The following SGMS1 variants were observed in gnomAD, a reference collection of about 807,000 sequenced individuals.
SGMS1 encodes phosphatidylcholine:ceramide cholinephosphotransferase 1.
SGMS1 carries 13 observed loss-of-function variants against 46.2 expected under a neutral mutation model. The ratio of observed to expected loss-of-function variants is 0.28; its 90% CI spans 0.18 to 0.45. The LOEUF (loss-of-function observed/expected upper bound fraction) is 0.45, where lower values mean the gene tolerates loss of function less well. Among genes scored for constraint, SGMS1 ranks in the 20% least tolerant of loss-of-function variants. SGMS1 has a pLI of 1.00. For missense variants in SGMS1, 324 were observed against 519.9 expected (o/e 0.62, Z 3.66); for synonymous variants, 203 against 187.8 (o/e 1.08, Z -0.66).
chr10:50,580,031 T>G (rs1838418728), intron 2 of SGMS1, among the ~76,000 whole-genome samples: 1 of 152,146 alleles, frequency 6.6e-6, no homozygotes, highest in African/African-American at 2.4e-5. Flanking sequence ...TAGTGGTAAG[T>G]GCATAGAAAA....
At chr10:50,573,928 A>G (rs1838357783) in intron 2 of SGMS1, among the ~76,000 whole-genome samples, 1 of 152,210 alleles carries the variant, frequency 6.6e-6, no homozygotes, top group African/African-American at 2.4e-5. Flanking sequence ...TGGGGCAAGG[A>G]TAGTCTCTTC....
At chr10:50,360,127 T>C (rs1287848288) in intron 6 of SGMS1, among the ~76,000 whole-genome samples, 2 of 152,210 alleles carry the variant, frequency 1.3e-5, no homozygotes, top group East Asian at 3.8e-4. Context: ...AAAATGAGCT[T>C]GCAGATTTCT....
chr10:50,483,388 A>T (rs527811630), intron 3 of SGMS1, among the ~76,000 whole-genome samples: 18 of 152,302 alleles, frequency 1.2e-4, no homozygotes, highest in African/African-American at 3.8e-4. Context: ...CCAGATTCAT[A>T]AAACAAGTTC....
At position 50,418,232 on chromosome 10, in the gene SGMS1, C is replaced by G. The variant is rs556086918; in HGVS notation, c.-232+15244G>C. 24 of 152,284 alleles carry G rather than the reference C, an allele frequency of 1.6e-4. No individual in the cohort carries two copies. The South Asian group carries it at 4.8e-3, about 30-fold the overall frequency. The allele number at this position is 152,284 out of a possible 1,614,324, so 9.4% of individuals were successfully genotyped here. A position where few individuals can be genotyped will look rare whatever the true frequency, so the allele number is the denominator to read the frequency against. ...CGCGGCTCTTGCTGGGCGCCCGCGC[C>G]TTGATCGGTCCCGGCGGTCCCGTTC... On this transcript the variant is annotated intron_variant, in intron 6 of 10. Coordinates refer to ENST00000361781, the MANE Select transcript of SGMS1 (RefSeq NM_147156.4).
chr10:50,561,464 C>A (rs914226487), intron 2 of SGMS1, among the ~76,000 whole-genome samples: 2 of 152,214 alleles, frequency 1.3e-5, no homozygotes, highest in African/African-American at 4.8e-5. Flanking sequence ...TTCCTTCCAG[C>A]TCAAACCTTC....
intron 6 of SGMS1, among the ~76,000 whole-genome samples, chr10:50,348,976 C>CA (rs1180751186): frequency 2.0e-5 from 3 of 152,154 alleles, no homozygotes; most frequent in Non-Finnish European, 4.4e-5. Flanking sequence ...GGTATATAGA[C>CA]AATCAACTTT....
intron 3 of SGMS1, among the ~76,000 whole-genome samples, chr10:50,512,921 A>C (rs562945431): frequency 2.0e-5 from 3 of 152,254 alleles, no homozygotes; most frequent in Admixed American, 6.5e-5. Flanking sequence ...AGCCACACTT[A>C]CCCACTACAA....
intron 8 of SGMS1, among the ~76,000 whole-genome samples, chr10:50,313,829 C>A (rs1847296574): frequency 6.6e-6 from 1 of 152,106 alleles, no homozygotes; most frequent in African/African-American, 2.4e-5. Flanking sequence ...AAACCTGGCA[C>A]TGAGGAAAAA....
At chr10:50,428,094 T>A (rs1023379517) in intron 6 of SGMS1, among the ~76,000 whole-genome samples, 2 of 152,102 alleles carry the variant, frequency 1.3e-5, no homozygotes, top group Non-Finnish European at 2.9e-5. Flanking sequence ...GGCTAACTTA[T>A]ACTGCAGGAA....
intron 2 of SGMS1, among the ~76,000 whole-genome samples, chr10:50,542,857 C>CAA (rs752420440): frequency 1.8e-4 from 14 of 78,398 alleles, no homozygotes; most frequent in African/African-American, 4.9e-4. Flanking sequence ...ATGCCAAGTG[C>CAA]AAAAAAAAAA....
chr10:50,508,726 G>C (rs1349298408), intron 3 of SGMS1, among the ~76,000 whole-genome samples: 1 of 152,166 alleles, frequency 6.6e-6, no homozygotes, highest in Non-Finnish European at 1.5e-5. Context: ...GACCTAAGGA[G>C]AATATAAGAA....
intron 2 of SGMS1, among the ~76,000 whole-genome samples, chr10:50,561,205 ATG>A (rs1157359520): frequency 6.6e-6 from 1 of 152,222 alleles, no homozygotes; most frequent in Non-Finnish European, 1.5e-5. Context: ...CACTTGCTAA[ATG>A]GCATGTGAAT....
chr10:50,399,917 C>T (rs1366554925), intron 6 of SGMS1, among the ~76,000 whole-genome samples: 2 of 151,356 alleles, frequency 1.3e-5, no homozygotes, highest in African/African-American at 4.9e-5. Flanking sequence ...TAGTCCCAGC[C>T]ACTCGGGAGG....
At chr10:50,373,938 T>G (rs2688879) in intron 6 of SGMS1, among the ~76,000 whole-genome samples, 1 of 152,068 alleles carries the variant, frequency 6.6e-6, no homozygotes, top group African/African-American at 2.4e-5. Flanking sequence ...GTACACATTA[T>G]ATAGACATCC....
intron 5 of SGMS1, among the ~76,000 whole-genome samples, chr10:50,443,828 A>G (rs1459540048): frequency 6.6e-6 from 1 of 152,124 alleles, no homozygotes; most frequent in African/African-American, 2.4e-5. Context: ...TTTGTGACAT[A>G]TATAGATATA....
At chr10:50,376,192 C>T (rs1338051769) in intron 6 of SGMS1, among the ~76,000 whole-genome samples, 1 of 152,122 alleles carries the variant, frequency 6.6e-6, no homozygotes, top group Non-Finnish European at 1.5e-5. Flanking sequence ...GGTATGTTCG[C>T]TGTGGTGTGG....
chr10:50,359,682 CAAA>C (rs34496581), intron 6 of SGMS1, among the ~76,000 whole-genome samples: 2 of 140,280 alleles, frequency 1.4e-5, no homozygotes, highest in African/African-American at 2.7e-5. Context: ...TTCATTATGG[CAAA>C]AAAAAAAAAA....
At chr10:50,400,028 CAAA>C (rs55712391) in intron 6 of SGMS1, among the ~76,000 whole-genome samples, 3 of 107,186 alleles carry the variant, frequency 2.8e-5, no homozygotes, top group Non-Finnish European at 1.9e-5. Flanking sequence ...GACTCCTTCT[CAAA>C]AAAAAAAAAA....
At chr10:50,598,273 A>G in intron 1 of SGMS1, among the ~76,000 whole-genome samples, 1 of 152,034 alleles carries the variant, frequency 6.6e-6, no homozygotes, top group Middle Eastern at 3.2e-3. Context: ...GCATCCATCT[A>G]TGAAGCCCAA....
Sources: allele counts gnomAD v4.1 joint callset (sites outside exome capture counted in the v4.1 genomes callset), GRCh38; gene constraint gnomAD v4.1.1; transcripts MANE v1.5; gene names NCBI Gene and HGNC (gene_info 2026-07-23, HGNC 2026-07-21).